The following ZNF646 variants were observed in gnomAD, a reference collection of about 807,000 sequenced individuals.
ZNF646 encodes the protein zinc finger protein 646.
A neutral mutation model predicts 115.4 loss-of-function variants in ZNF646; 49 were observed. The observed-to-expected ratio is 0.42, with a 90% CI of 0.34 to 0.54. The LOEUF is 0.54. ZNF646 is among the 20% of genes least tolerant of loss of function. The probability of loss-of-function intolerance (pLI) is 0.04; values close to 1 mark genes in which losing one functional copy is unlikely to be tolerated. For missense variants in ZNF646, 2,269 were observed against 2,457.9 expected (o/e 0.92, Z 1.62); for synonymous variants, 933 against 939.0 (o/e 0.99, Z 0.12).
Position 31,077,317 on chromosome 16 carries a change from C to T in ZNF646, c.993C>T (p.Pro331=), listed in dbSNP as rs373674849. ...CACGCTGGGAGGAGAAAGGGATGCCCACCACCAATGGGCACACAGATGAGA... is the reference window on the plus strand; with the variant it reads ...CACGCTGGGAGGAGAAAGGGATGCCTACCACCAATGGGCACACAGATGAGA... ...QEPRWEEKGM[P]TTNGHTDESS... is the part of the protein sequence containing the mutation. Residue 331 remains proline (P), a synonymous_variant, in exon 2 of 3, where the codon CCC becomes CCT. Transcript: ENST00000300850. The T allele has an allele frequency of 7.4e-6, 12 of 1,613,432 alleles. No individual in the cohort carries two copies. Among genetic ancestry groups the T allele is most frequent in the Middle Eastern group, 1.6e-4 (1 of 6,084 alleles).
In ZNF646 at chr16:31,080,242, G is replaced by A. The variant is rs1383020193; in HGVS notation, c.3918G>A (p.Arg1306=). The A allele has an allele frequency of 1.2e-6, 2 of 1,610,250 alleles. No individual in the cohort carries two copies. The highest frequency in any genetic ancestry group is 3.3e-5 in the Admixed American group (2 of 59,790). Residue 1306 remains arginine (R), a synonymous_variant, in exon 2 of 3, where the codon CGG becomes CGA. Transcript: ENST00000300850. ...CCTTCCGCTGTGGGCAGTGCGGGCGGACCTATCGCCACGCCGGCAGCCTCC... is the reference window on the plus strand; with the variant it reads ...CCTTCCGCTGTGGGCAGTGCGGGCGAACCTATCGCCACGCCGGCAGCCTCC... ...DRPFRCGQCG[R]TYRHAGSLLN... is the part of the protein sequence containing the mutation.
At position 31,081,042 on chromosome 16, in the gene ZNF646, A is replaced by G. The variant is rs775488079; in HGVS notation, c.4718A>G (p.Lys1573Arg). Residue 1573 changes from lysine (K) to arginine (R), a missense_variant, in exon 2 of 3, where the codon AAG (lysine) becomes AGG (arginine). Lys to Arg is a conservative substitution (Grantham distance 26). Around this residue, in one of 5 missense-constraint regions of ZNF646, gnomAD observed 1,062 missense variants for 1,172.8 expected, o/e 0.91. Transcript: ENST00000300850. ...SKEFLNPVAT[K>R]SHSHNHIDAQ... is the part of the protein sequence containing the mutation. ...GAGTTCTTAAATCCTGTGGCCACAA[A>G]GAGCCACAGCCACAACCACATAGAC... 2 of 1,613,992 alleles carry G rather than the reference A, an allele frequency of 1.2e-6. No homozygotes were observed. Among genetic ancestry groups the G allele is most frequent in the Admixed American group, 3.3e-5 (2 of 60,032 alleles).
In ZNF646 at chr16:31,080,789, C is replaced by T. The variant is rs1035580550; in HGVS notation, c.4465C>T (p.Pro1489Ser). 7.4e-6 allele frequency: 12 copies of T among 1,613,862 alleles called. No homozygotes were observed. In the Admixed American group the frequency reaches 1.2e-4, roughly 16 times the overall value. ...TCAGTTCCTAACTAGGTCAGAGGAG[C>T]CAGAGGACAGTGTCCACAGGAGTCC... ...VPQFLTRSEEPEDSVHRSPCH... is the reference protein window; with the variant it reads ...VPQFLTRSEESEDSVHRSPCH... The change falls in exon 2 of 3, where the codon CCA becomes TCA. Residue 1489 changes from proline (P) to serine (S), a missense_variant. By Grantham distance (74) the Pro-to-Ser change is moderately conservative. Coordinates refer to ENST00000300850, the MANE Select transcript of ZNF646 (RefSeq NM_014699.4).
At position 31,079,406 on chromosome 16, in the gene ZNF646, G is replaced by A; in HGVS notation, c.3082G>A (p.Ala1028Thr). ...TGGAGATGCCAAGTCTCAAGAGGGA[G>A]CAGGCACCCCCTTGGGAGACAGCCT... ...EGGDAKSQEGAGTPLGDSLCI... is the reference protein window; with the variant it reads ...EGGDAKSQEGTGTPLGDSLCI... Residue 1028 changes from alanine to threonine, a missense_variant, in exon 2 of 3, where the codon GCA becomes ACA. By Grantham distance (58) the Ala-to-Thr change is moderately conservative. Coordinates refer to ENST00000300850, the MANE Select transcript of ZNF646 (RefSeq NM_014699.4). The surrounding 1 kb of genome is among the most constrained non-coding windows in gnomAD (Gnocchi z 5.5). 1.2e-6 allele frequency: 2 copies of A among 1,614,094 alleles called. No individual in the cohort carries two copies. The highest frequency in any genetic ancestry group is 2.2e-5 in the East Asian group (1 of 44,884).
At position 31,081,018 on chromosome 16, in the gene ZNF646, A is replaced by G. The variant is rs763194091; in HGVS notation, c.4694A>G (p.Glu1565Gly). ...DRHYCLLCSK[E>G]FLNPVATKSH... ...CACTATTGCCTGCTCTGCTCCAAGG[A>G]GTTCTTAAATCCTGTGGCCACAAAG... Residue 1565 changes from glutamate (E) to glycine (G), a missense_variant, in exon 2 of 3, where the codon GAG (glutamate) becomes GGG (glycine). Physicochemically the swap from Glu to Gly is moderately conservative, Grantham distance 98. Coordinates refer to ENST00000300850, the MANE Select transcript of ZNF646 (RefSeq NM_014699.4). 17 of 1,613,856 alleles carry G rather than the reference A, an allele frequency of 1.1e-5. No individual in the cohort carries two copies. The South Asian group carries it at 1.8e-4, about 17-fold the overall frequency.
chr16:31,075,647 G>T (rs2057067623), intron 1 of ZNF646, among the ~76,000 whole-genome samples: 1 of 152,154 alleles, frequency 6.6e-6, no homozygotes, highest in African/African-American at 2.4e-5. Context: ...AAGGAAAAGA[G>T]ACCTTGTGAC....
intron 1 of ZNF646, 190 bp from the exon 2 acceptor site, chr16:31,076,056 A>G (rs1567404992): frequency 4.7e-6 from 2 of 421,918 alleles, no homozygotes; most frequent in Admixed American, 4.0e-5. Flanking sequence ...GGGAGCTCCT[A>G]TATTTGGGAA....
rs760448613 is a variant in ZNF646, at chr16:31,080,506, C to T, written c.4182C>T (p.Ala1394=). Residue 1394 remains alanine, a synonymous_variant, in exon 2 of 3, where the codon GCC becomes GCT. Coordinates refer to ENST00000300850, the MANE Select transcript of ZNF646 (RefSeq NM_014699.4). ...REHEETEREP[A]NGQGGLDGTA... ...ATGAGGAGACAGAAAGGGAGCCAGC[C>T]AATGGCCAGGGAGGCCTGGATGGCA... The T allele has an allele frequency of 6.2e-7, 1 of 1,613,990 alleles. No individual in the cohort carries two copies. The highest frequency in any genetic ancestry group is 1.1e-5 in the South Asian group (1 of 91,090).
In ZNF646 at chr16:31,078,295, T is replaced by C; in HGVS notation, c.1971T>C (p.Ala657=). Residue 657 remains alanine, a synonymous_variant, in exon 2 of 3, where the codon GCT becomes GCC. Transcript: ENST00000300850. ...GTGCCAAGCACTTCCACACCATGGC[T>C]GCCATGAAGAACCACTTGCGCCGGC... ...GACAKHFHTM[A]AMKNHLRRHS... The C allele has an allele frequency of 6.2e-7, 1 of 1,613,696 alleles. No homozygotes were observed. The highest frequency in any genetic ancestry group is 8.5e-7 in the Non-Finnish European group (1 of 1,179,906).
In ZNF646 at chr16:31,078,090, G is replaced by C; in HGVS notation, c.1766G>C (p.Ser589Thr). 1.2e-6 allele frequency: 2 copies of C among 1,614,228 alleles called. No individual in the cohort carries two copies. Among genetic ancestry groups the C allele is most frequent in the Non-Finnish European group, 1.7e-6 (2 of 1,180,052 alleles). The change falls in exon 2 of 3, where the codon AGC becomes ACC. Residue 589 changes from serine (S) to threonine (T), a missense_variant. By Grantham distance (58) the Ser-to-Thr change is moderately conservative. Coordinates refer to ENST00000300850, the MANE Select transcript of ZNF646 (RefSeq NM_014699.4). ...ICGLLFEDAE[S>T]LERHGLTHGA... ...GGGCTGCTCTTTGAAGACGCTGAGA[G>C]CCTTGAACGTCATGGCCTGACTCAT... is the stretch of plus-strand genomic sequence containing the variant.
rs1460969338 is a variant in ZNF646, at chr16:31,079,724, A to G, written c.3400A>G (p.Asn1134Asp). The change falls in exon 2 of 3, where the codon AAC (asparagine) becomes GAC (aspartate). Residue 1134 changes from asparagine (N) to aspartate (D), a missense_variant. Coordinates refer to ENST00000300850, the MANE Select transcript of ZNF646 (RefSeq NM_014699.4). This position sits in a 1 kb window ranked among gnomAD's most constrained non-coding sequence, Gnocchi z 5.5. ...QVGPIPEGGS[N>D]KPQHMAEEGP... The stretch of plus-strand genomic sequence containing the variant: ...TGGGCCCATCCCAGAAGGAGGCAGC[A>G]ACAAGCCCCAGCACATGGCAGAGGA... 6.2e-7 allele frequency: 1 copy of G among 1,613,710 alleles called. No homozygotes were observed. Among genetic ancestry groups the G allele is most frequent in the Non-Finnish European group, 8.5e-7 (1 of 1,180,012 alleles).
In ZNF646 at chr16:31,081,012, C is replaced by G. The variant is rs746534040; in HGVS notation, c.4688C>G (p.Ser1563Cys). Residue 1563 changes from serine (S) to cysteine (C), a missense_variant, in exon 2 of 3, where the codon TCC (serine) becomes TGC (cysteine). This residue lies in a region of ZNF646 where 1,062 missense variants were observed against 1,172.8 expected (regional missense o/e 0.91). Coordinates refer to ENST00000300850, the MANE Select transcript of ZNF646 (RefSeq NM_014699.4). The part of the protein sequence containing the change: ...KTDRHYCLLC[S>C]KEFLNPVATK... ...GACCGACACTATTGCCTGCTCTGCT[C>G]CAAGGAGTTCTTAAATCCTGTGGCC... The G allele has an allele frequency of 3.1e-6, 5 of 1,613,934 alleles. No individual in the cohort carries two copies. The highest frequency in any genetic ancestry group is 1.1e-5 in the South Asian group (1 of 91,090).
intron 2 of ZNF646, chr16:31,082,003 G>A: frequency 4.4e-6 from 2 of 456,274 alleles, no homozygotes; most frequent in Non-Finnish European, 7.9e-6. Flanking sequence ...TTTCTGTTCA[G>A]GGGAAGGTCA....
chr16:31,074,607 C>G lies in ZNF646; in HGVS notation c.-104C>G, dbSNP rs1350926425. 6.6e-6 allele frequency: 1 copy of G among 152,256 alleles called. No individual in the cohort carries two copies. The highest frequency in any genetic ancestry group is 1.5e-5 in the Non-Finnish European group (1 of 68,066). The allele number at this position is 152,256 out of a possible 1,614,324, so 9.4% of individuals were successfully genotyped here. A position where few individuals can be genotyped will look rare whatever the true frequency, so the allele number is the denominator to read the frequency against. On this transcript the variant is annotated 5_prime_UTR_variant, in exon 1 of 3. Transcript: ENST00000300850. ...CGCGAGAGCCCCCCGACAGCCACCC[C>G]TTGGGGCGCGCGGCTGCAGTTAGGG...
chr16:31,073,390 A>G (rs2057033154), upstream of ZNF646: 1 of 151,344 alleles, frequency 6.6e-6, no homozygotes, highest in Non-Finnish European at 1.5e-5. Context: ...GGGCTCTAGG[A>G]CCCCCGGGAC....
Position 31,079,350 on chromosome 16 carries a change from A to G in ZNF646, c.3026A>G (p.Glu1009Gly). Reference protein sequence around the residue: ...AMEMVVDSVLEDIVNSVSGEG... With the variant: ...AMEMVVDSVLGDIVNSVSGEG... Reference sequence around the variant, plus strand: ...GAGATGGTCGTGGACAGTGTCTTGGAGGACATAGTGAATTCTGTCTCTGGA... The same window carrying G: ...GAGATGGTCGTGGACAGTGTCTTGGGGGACATAGTGAATTCTGTCTCTGGA... The change falls in exon 2 of 3, where the codon GAG becomes GGG. Residue 1009 changes from glutamate to glycine, a missense_variant. Around this residue, in one of 5 missense-constraint regions of ZNF646, gnomAD observed 1,062 missense variants for 1,172.8 expected, o/e 0.91. Transcript: ENST00000300850. This position sits in a 1 kb window ranked among gnomAD's most constrained non-coding sequence, Gnocchi z 5.5. 3 of 1,613,970 alleles carry G rather than the reference A, an allele frequency of 1.9e-6. No homozygotes were observed. Among genetic ancestry groups the G allele is most frequent in the Non-Finnish European group, 2.5e-6 (3 of 1,179,956 alleles).
In ZNF646 at chr16:31,079,316, G is replaced by A. The variant is rs761101765; in HGVS notation, c.2992G>A (p.Asp998Asn). 1.2e-6 allele frequency: 2 copies of A among 1,613,072 alleles called. No homozygotes were observed. Among genetic ancestry groups the A allele is most frequent in the South Asian group, 2.2e-5 (2 of 91,068 alleles). ...TCCCAGCCCCTTGGGAGTGGCAGGTGATGCCATGGAGATGGTCGTGGACAG... is the reference window on the plus strand; with the variant it reads ...TCCCAGCCCCTTGGGAGTGGCAGGTAATGCCATGGAGATGGTCGTGGACAG... ...KAPSPLGVAG[D>N]AMEMVVDSVL... Residue 998 changes from aspartate (D) to asparagine (N), a missense_variant, in exon 2 of 3, where the codon GAT becomes AAT. By Grantham distance (23) the Asp-to-Asn change is conservative. Coordinates refer to ENST00000300850, the MANE Select transcript of ZNF646 (RefSeq NM_014699.4). The surrounding 1 kb of genome is among the most constrained non-coding windows in gnomAD (Gnocchi z 5.5).
rs766898266 is a variant in ZNF646, at chr16:31,080,132, C to T, written c.3808C>T (p.Arg1270Trp). ...CSECGKAFRL[R>W]KQLASHQRVH... The stretch of plus-strand genomic sequence containing the variant: ...CGAGTGTGGGAAGGCCTTCCGCCTG[C>T]GGAAACAGCTGGCCAGCCACCAGCG... Residue 1270 changes from arginine to tryptophan, a missense_variant, in exon 2 of 3, where the codon CGG becomes TGG. By Grantham distance (101) the Arg-to-Trp change is moderately radical. Around this residue, in one of 5 missense-constraint regions of ZNF646, gnomAD observed 1,062 missense variants for 1,172.8 expected, o/e 0.91. Transcript: ENST00000300850. 4.8e-5 allele frequency: 77 copies of T among 1,612,634 alleles called. 3 individuals carry two copies. In the South Asian group the frequency reaches 6.9e-4, roughly 14 times the overall value.
rs769936255 is a variant in ZNF646 at position 31,079,490 on chromosome 16, C to G, written c.3166C>G (p.Gln1056Glu). The change falls in exon 2 of 3, where the codon CAG (glutamine) becomes GAG (glutamate). Residue 1056 changes from glutamine to glutamate, a missense_variant. Physicochemically the swap from Gln to Glu is conservative, Grantham distance 29 (BLOSUM62 2). Coordinates refer to ENST00000300850, the MANE Select transcript of ZNF646 (RefSeq NM_014699.4). The surrounding 1 kb of genome is among the most constrained non-coding windows in gnomAD (Gnocchi z 5.5). ...EAQPRPFRCN[Q>E]CGKTYRHGGS... ...TCAGCCCCGCCCCTTCCGCTGCAAC[C>G]AGTGTGGCAAGACCTATCGCCATGG... 1 of 1,613,470 alleles carries G rather than the reference C, an allele frequency of 6.2e-7. No individual in the cohort carries two copies. The highest frequency in any genetic ancestry group is 1.3e-5 in the African/African-American group (1 of 74,914).
Sources: allele counts gnomAD v4.1 joint callset (sites outside exome capture counted in the v4.1 genomes callset), GRCh38; gene constraint gnomAD v4.1.1; regional missense constraint gnomAD v4.1.1; non-coding constraint Gnocchi (gnomAD v3.1); transcripts MANE v1.5; gene names NCBI Gene and HGNC (gene_info 2026-07-23, HGNC 2026-07-21).